ZFHX3: variants seen among roughly 807,000 people sequenced by gnomAD.
ZFHX3 encodes zinc finger homeobox 3.
In ZFHX3, 42 loss-of-function variants were observed where a neutral mutation model predicts 279.1. The ratio of observed to expected loss-of-function variants is 0.15; its 90% confidence interval spans 0.12 to 0.19. The LOEUF is 0.19. Ranked by LOEUF, ZFHX3 falls within the 10% of genes least tolerant of loss-of-function variation. The pLI, the probability that ZFHX3 is intolerant of heterozygous loss-of-function variation, is 1.00. For synonymous variants in ZFHX3, 2,293 were observed against 1,957.8 expected, an observed-to-expected ratio of 1.17 and a Z score of -4.52; for missense variants, 4,981 against 4,754.0, an observed-to-expected ratio of 1.05 and a Z score of -1.40.
At chr16:73,303,267 A>G (rs1254579177) in intron 4 of ZFHX3, among the ~76,000 whole-genome samples, 2 of 152,128 alleles carry the variant, frequency 1.3e-5, no homozygotes, top group East Asian at 3.9e-4. Context: ...GCTCCAAGCA[A>G]TTCTCCCATC....
intron 2 of ZFHX3, among the ~76,000 whole-genome samples, chr16:73,647,203 G>A (rs1246238406): frequency 4.6e-5 from 7 of 151,946 alleles, no homozygotes; most frequent in Non-Finnish European, 1.0e-4. Context: ...TAGTAGAGAC[G>A]GGGTTTCACC....
intron 1 of ZFHX3, among the ~76,000 whole-genome samples, chr16:73,038,387 T>C (rs1964989619): frequency 6.6e-6 from 1 of 151,996 alleles, no homozygotes; most frequent in African/African-American, 2.4e-5. Context: ...TTTCAGAGAA[T>C]AAACAGAAGA....
intron 1 of ZFHX3, among the ~76,000 whole-genome samples, chr16:73,814,902 C>T (rs936652834): frequency 6.6e-6 from 1 of 152,140 alleles, no homozygotes; most frequent in African/African-American, 2.4e-5. Flanking sequence ...AAGCTCTCAT[C>T]CCACATATAC....
At chr16:73,665,808 CTTTTTTT>C (rs527815602) in intron 2 of ZFHX3, among the ~76,000 whole-genome samples, 4 of 90,514 alleles carry the variant, frequency 4.4e-5, no homozygotes, top group Non-Finnish European at 6.1e-5. Flanking sequence ...TCTTCAATAA[CTTTTTTT>C]TTTTTTTTTT....
intron 8 of ZFHX3, among the ~76,000 whole-genome samples, chr16:72,799,023 T>A (rs1380560429): frequency 6.6e-6 from 1 of 152,254 alleles, no homozygotes; most frequent in Non-Finnish European, 1.5e-5. Flanking sequence ...TTTAATTGCT[T>A]GACTCAGAAT....
chr16:73,410,167 G>A (rs2017438136), intron 3 of ZFHX3, among the ~76,000 whole-genome samples: 1 of 152,186 alleles, frequency 6.6e-6, no homozygotes. Flanking sequence ...TGTAATCCCA[G>A]CACTTTGGGA....
At chr16:73,749,263 C>T (rs369716541) in intron 1 of ZFHX3, among the ~76,000 whole-genome samples, 6 of 152,110 alleles carry the variant, frequency 3.9e-5, no homozygotes, top group South Asian at 2.1e-4. Flanking sequence ...AGGGTCAGAC[C>T]GAGGATAATT....
chr16:73,574,164 G>A (rs2051771888), intron 2 of ZFHX3, among the ~76,000 whole-genome samples: 1 of 152,150 alleles, frequency 6.6e-6, no homozygotes, highest in Non-Finnish European at 1.5e-5. Context: ...CAATGAGACT[G>A]ATTTCATATG....
intron 5 of ZFHX3, among the ~76,000 whole-genome samples, chr16:73,157,414 T>C (rs557073691): frequency 2.9e-4 from 39 of 135,106 alleles, no homozygotes; most frequent in Admixed American, 8.7e-5. Context: ...ACTTCATTCT[T>C]GGCTATGATC....
chr16:73,190,630 C>T (rs1192641311), intron 5 of ZFHX3, among the ~76,000 whole-genome samples: 1 of 152,214 alleles, frequency 6.6e-6, no homozygotes, highest in Non-Finnish European at 1.5e-5. Flanking sequence ...GGGACCCAGG[C>T]ATCTGTTCAC....
intron 4 of ZFHX3, among the ~76,000 whole-genome samples, chr16:72,841,198 C>T (rs987126807): frequency 3.3e-5 from 5 of 152,172 alleles, no homozygotes; most frequent in African/African-American, 4.8e-5. Flanking sequence ...TGCGTCTACA[C>T]GTGGAAAGTC....
intron 1 of ZFHX3, among the ~76,000 whole-genome samples, chr16:73,713,766 C>A (rs1238751988): frequency 6.6e-6 from 1 of 152,070 alleles, no homozygotes; most frequent in East Asian, 1.9e-4. Context: ...CGCTTTGACA[C>A]CAGCACAGCA....
chr16:73,243,945 G>A (rs7184606), intron 5 of ZFHX3, among the ~76,000 whole-genome samples: 1,840 of 152,304 alleles, frequency 0.012, 37 homozygotes, highest in African/African-American at 0.041. Flanking sequence ...AGAGAATGCC[G>A]GTAGAGAACG....
intron 3 of ZFHX3, among the ~76,000 whole-genome samples, chr16:73,344,710 G>C (rs375789787): frequency 2.7e-4 from 41 of 152,304 alleles, no homozygotes; most frequent in Admixed American, 5.9e-4. Context: ...GAGAGAGAGA[G>C]AGACAGACAG....
chr16:72,787,468 GCGGCC>G lies in ZFHX3; in HGVS notation c.10803_10807del (p.Ala3602ArgfsTer62). The G allele has an allele frequency of 6.2e-7, 1 of 1,602,428 alleles. No homozygotes were observed. The highest frequency in any genetic ancestry group is 8.5e-7 in the Non-Finnish European group (1 of 1,173,048). ...GTGGGGGGAAGCGGAGGAGGGGGCG[GCGGCC>G]GACGGGGGAGGGGGGCTGTCGTTTG... On this transcript the variant is annotated frameshift_variant, in exon 10 of 10. Transcript: ENST00000268489. LOFTEE classifies it high-confidence loss of function.
intron 3 of ZFHX3, among the ~76,000 whole-genome samples, chr16:73,419,376 T>C (rs2073026358): frequency 6.6e-6 from 1 of 152,210 alleles, no homozygotes; most frequent in African/African-American, 2.4e-5. Flanking sequence ...AGTGTGACTT[T>C]AAAACCTTTG....
intron 1 of ZFHX3, among the ~76,000 whole-genome samples, chr16:73,883,466 C>G (rs1408737819): frequency 1.3e-5 from 2 of 150,446 alleles, no homozygotes; most frequent in African/African-American, 5.0e-5. Context: ...ATGATATATA[C>G]ATACAATCAC....
chr16:72,791,779 T>C (rs537563962), intron 9 of ZFHX3, among the ~76,000 whole-genome samples: 111 of 152,368 alleles, frequency 7.3e-4, no homozygotes, highest in African/African-American at 2.4e-3. Flanking sequence ...TGTCAACACA[T>C]ATAAGCAACA....
intron 2 of ZFHX3, among the ~76,000 whole-genome samples, chr16:73,500,416 C>G (rs2019215943): frequency 6.6e-6 from 1 of 151,960 alleles, no homozygotes; most frequent in Admixed American, 6.5e-5. Flanking sequence ...CAGCCTAGAC[C>G]TCCTGGGCTC....
Sources: gnomAD v4.1 joint callset for allele counts (sites outside exome capture counted in the v4.1 genomes callset) on GRCh38, gnomAD v4.1.1 for gene constraint, MANE v1.5 for transcripts, NCBI Gene and HGNC (gene_info 2026-07-23, HGNC 2026-07-21) for gene names.